Variants in MORN1 observed in about 807,000 individuals in gnomAD.
The protein encoded by MORN1 is MORN repeat containing 1.
MORN1 carries 67 observed loss-of-function variants against 61.9 expected under a neutral mutation model. The observed-to-expected ratio is 1.08, with a 90% CI of 0.89 to 1.33. The LOEUF (loss-of-function observed/expected upper bound fraction) is 1.33, where lower values mean the gene tolerates loss of function less well. Ranked by LOEUF, MORN1 falls within the 40% of genes most tolerant of loss-of-function variation. The pLI is 0.00. For missense variants in MORN1, 752 were observed against 691.2 expected, an observed-to-expected ratio of 1.09 and a Z score of -0.99; for synonymous variants, 301 against 292.0, an observed-to-expected ratio of 1.03 and a Z score of -0.31.
intron 6 of MORN1, among the ~76,000 whole-genome samples, chr1:2,382,582 G>A (rs1339175473): frequency 1.3e-5 from 2 of 152,344 alleles, no homozygotes; most frequent in East Asian, 1.9e-4. Flanking sequence ...GGGGCGGGCA[G>A]AAGAGAATTC....
intron 12 of MORN1, among the ~76,000 whole-genome samples, chr1:2,329,183 C>T (rs895653364): frequency 1.3e-5 from 2 of 152,196 alleles, no homozygotes; most frequent in African/African-American, 2.4e-5. Flanking sequence ...GCCGCCCTGC[C>T]CCAGCCCCTC....
intron 10 of MORN1, chr1:2,355,037 C>T (rs1569979781): frequency 2.3e-6 from 1 of 434,580 alleles, no homozygotes; most frequent in Non-Finnish European, 3.1e-6. Context: ...GGGGAGGCCC[C>T]CCAGGTAGGA....
Position 2,324,059 on chromosome 1 carries a change from G to A in MORN1, c.1297+38C>T, listed in dbSNP as rs367548658. 30 of 1,574,014 alleles carry A rather than the reference G, an allele frequency of 1.9e-5. No individual in the cohort carries two copies. The African/African-American group carries it at 3.6e-4, about 19-fold the overall frequency. ...CTGCGGCCTCGCCTCTCCAGACAGT[G>A]GCACAGCCGGCGATGGACTTGGGCC... is the stretch of plus-strand genomic sequence containing the variant. On this transcript the variant is annotated intron_variant, in intron 13 of 13. Transcript: ENST00000378531.
intron 4 of MORN1, chr1:2,386,444 C>G (rs1181459556): frequency 6.3e-6 from 1 of 158,352 alleles, no homozygotes; most frequent in Non-Finnish European, 1.4e-5. Context: ...CGTTGCTTTG[C>G]TTTTGAGACG....
chr1:2,327,153 C>CACAG (rs1413770828), intron 12 of MORN1, among the ~76,000 whole-genome samples: 2 of 142,348 alleles, frequency 1.4e-5, no homozygotes, highest in East Asian at 4.2e-4. Flanking sequence ...GACACAGAAA[C>CACAG]AGAAACACAC....
At chr1:2,335,909 C>T (rs995811724) in intron 12 of MORN1, among the ~76,000 whole-genome samples, 5 of 149,586 alleles carry the variant, frequency 3.3e-5, no homozygotes, top group Admixed American at 6.6e-5. Flanking sequence ...TGCTGGACTC[C>T]GAGCCCCGAG....
intron 12 of MORN1, among the ~76,000 whole-genome samples, chr1:2,327,564 A>G (rs955029264): frequency 2.0e-5 from 3 of 152,246 alleles, no homozygotes; most frequent in Non-Finnish European, 4.4e-5. Flanking sequence ...ACACTGAAAC[A>G]CAGTGGGCGG....
chr1:2,390,090 C>T (rs1180531918), intron 1 of MORN1, 94 bp from the exon 2 acceptor site: 34 of 1,189,932 alleles, frequency 2.9e-5, no homozygotes, highest in Non-Finnish European at 3.9e-5. Flanking sequence ...CCCTTGAGGG[C>T]CTTCAAGGGG....
Position 2,390,000 on chromosome 1 carries a change from A to G in MORN1, c.77-4T>C. 2 of 1,611,352 alleles carry G rather than the reference A, an allele frequency of 1.2e-6. No homozygotes were observed. The highest frequency in any genetic ancestry group is 1.7e-6 in the Non-Finnish European group (2 of 1,177,566). ...GGGTATACGTAGACACCATAACCTGAGTATTGAGAAGACACACACAGGTAA... is the reference window on the plus strand; with the variant it reads ...GGGTATACGTAGACACCATAACCTGGGTATTGAGAAGACACACACAGGTAA... On this transcript the variant is annotated splice_region_variant and splice_polypyrimidine_tract_variant and intron_variant, in intron 1 of 13. Coordinates refer to ENST00000378531, the MANE Select transcript of MORN1 (RefSeq NM_024848.3).
At chr1:2,325,072 G>C (rs1043737676) in intron 12 of MORN1, among the ~76,000 whole-genome samples, 11 of 136,872 alleles carry the variant, frequency 8.0e-5, no homozygotes, top group African/African-American at 3.1e-4. Flanking sequence ...GATGCACTTC[G>C]GAAATACATC....
intron 8 of MORN1, chr1:2,363,416 A>G (rs1248259799): frequency 2.0e-5 from 3 of 152,070 alleles, no homozygotes; most frequent in African/African-American, 7.2e-5. Context: ...GAGTTGTAAA[A>G]CCCTAAAGTA....
chr1:2,341,005 C>T (rs796762628), intron 10 of MORN1, among the ~76,000 whole-genome samples: 3 of 152,380 alleles, frequency 2.0e-5, no homozygotes, highest in African/African-American at 7.2e-5. Flanking sequence ...CGGTCCTCTC[C>T]TCCTTGCACG....
In MORN1 at chr1:2,323,311, A is replaced by G. The variant is rs1220616785; in HGVS notation, c.1297+786T>C. ...CTTGTTCTCCCGCTGCGCCAGAGGC[A>G]GCTCCACGGTGGCATCCAGACCCCA... On this transcript the variant is annotated intron_variant, in intron 13 of 13. Transcript: ENST00000378531. 2.7e-5 allele frequency: 27 copies of G among 985,282 alleles called. No homozygotes were observed. The Admixed American group carries it at 1.1e-3, about 40-fold the overall frequency. The allele number at this position is 985,282 out of a possible 1,614,324, so 61.0% of individuals were successfully genotyped here. A position where few individuals can be genotyped will look rare whatever the true frequency, so the allele number is the denominator to read the frequency against.
At position 2,336,826 on chromosome 1, in the gene MORN1, G is replaced by A; in HGVS notation, c.1061C>T (p.Pro354Leu). 1.3e-6 allele frequency: 2 copies of A among 1,587,386 alleles called. No individual in the cohort carries two copies. The highest frequency in any genetic ancestry group is 2.7e-5 in the African/African-American group (2 of 73,996). Residue 354 changes from proline to leucine, a missense_variant, in exon 11 of 14, where the codon CCC becomes CTC. By Grantham distance (98) the Pro-to-Leu change is moderately conservative. Coordinates refer to ENST00000378531, the MANE Select transcript of MORN1 (RefSeq NM_024848.3). The stretch of plus-strand genomic sequence containing the variant: ...CTGCTCCACTCGCTGACAGGCCCCG[G>A]GACAATGGGGCGCATGTCCCCTGGC... ...LLARGHAPHC[P>L]GACQRVEQGC...
In MORN1 at chr1:2,321,460, G is replaced by T; in HGVS notation, c.1417C>A (p.Leu473Met). The change falls in exon 14 of 14, where the codon CTG becomes ATG. Residue 473 changes from leucine (L) to methionine (M), a missense_variant. Leu to Met is a conservative substitution (Grantham distance 15). Transcript: ENST00000378531. Reference sequence around the variant, plus strand: ...CTTGAGGCTTCAGGGCCTTCTTCCAGGACATGGGGTGGCTGGCCAGCCCTC... The same window carrying T: ...CTTGAGGCTTCAGGGCCTTCTTCCATGACATGGGGTGGCTGGCCAGCCCTC... ...AKRAGQPPHV[L>M]EEGPEASSSW... 2 of 1,539,470 alleles carry T rather than the reference G, an allele frequency of 1.3e-6. No individual in the cohort carries two copies. Among genetic ancestry groups the T allele is most frequent in the Non-Finnish European group, 1.8e-6 (2 of 1,141,758 alleles).
intron 10 of MORN1, among the ~76,000 whole-genome samples, chr1:2,353,499 G>A (rs1444983141): frequency 6.6e-6 from 1 of 152,232 alleles, no homozygotes; most frequent in Non-Finnish European, 1.5e-5. Flanking sequence ...ATGCTGGTGG[G>A]TCCAGGTAGA....
intron 10 of MORN1, 105 bp from the exon 11 acceptor site, chr1:2,336,955 A>T: frequency 1.6e-6 from 2 of 1,269,910 alleles, no homozygotes; most frequent in Non-Finnish European, 2.0e-6. Context: ...GGCAGCGGGC[A>T]CAGACGCCAG....
chr1:2,384,324 T>C (rs901723334), intron 6 of MORN1, among the ~76,000 whole-genome samples: 2 of 152,220 alleles, frequency 1.3e-5, no homozygotes, highest in African/African-American at 4.8e-5. Flanking sequence ...TCCTGAAATT[T>C]GCTCTCTGCA....
chr1:2,390,060 C>G (rs1642608481), intron 1 of MORN1, 64 bp from the exon 2 acceptor site: 8 of 1,474,738 alleles, frequency 5.4e-6, no homozygotes, highest in Non-Finnish European at 6.6e-6. Context: ...CTCTCCAGTG[C>G]TGAAGGAGGG....
Sources: gnomAD v4.1 joint callset for allele counts (sites outside exome capture counted in the v4.1 genomes callset) on GRCh38, gnomAD v4.1.1 for gene constraint, MANE v1.5 for transcripts, NCBI Gene and HGNC (gene_info 2026-07-23, HGNC 2026-07-21) for gene names.